Variants in NOSTRIN observed in about 807,000 individuals in gnomAD.
The protein encoded by NOSTRIN is BM247 homolog.
Under a neutral mutation model 59.0 loss-of-function variants are expected in NOSTRIN, and 63 were observed. The ratio of observed to expected loss-of-function variants is 1.07; its 90% CI spans 0.87 to 1.32. NOSTRIN has a LOEUF of 1.32. Among genes scored for constraint, NOSTRIN ranks in the 40% most tolerant of loss-of-function variants. The probability of loss-of-function intolerance (pLI) is 0.00; values close to 1 mark genes in which losing one functional copy is unlikely to be tolerated. For synonymous variants in NOSTRIN, 200 were observed against 165.4 expected (o/e 1.21, Z -1.61); for missense variants, 512 against 473.1 (o/e 1.08, Z -0.76).
At chr2:168,861,496 AAAG>A (rs1296435637) in intron 14 of NOSTRIN, among the ~76,000 whole-genome samples, 4 of 152,184 alleles carry the variant, frequency 2.6e-5, no homozygotes, top group South Asian at 2.1e-4. Flanking sequence ...AAAAAAAAAA[AAAG>A]AACTTCAGTA....
In NOSTRIN at chr2:168,855,431, A is replaced by T; in HGVS notation, c.935A>T (p.Asp312Val). Reference protein sequence around the residue: ...LKPKLLRLQRDIEKASKDKEG... With the variant: ...LKPKLLRLQRVIEKASKDKEG... The stretch of plus-strand genomic sequence containing the variant: ...CCAAAATTATTGAGACTGCAGAGAG[A>T]CATTGAAAAAGCCTCAAAAGACAAG... The change falls in exon 11 of 16, where the codon GAC becomes GTC. Residue 312 changes from aspartate (D) to valine (V), a missense_variant. By Grantham distance (152) the Asp-to-Val change is radical. Transcript: ENST00000317647. 1 of 1,610,094 alleles carries T rather than the reference A, an allele frequency of 6.2e-7. No homozygotes were observed. The highest frequency in any genetic ancestry group is 2.2e-5 in the East Asian group (1 of 44,734).
chr2:168,836,432 C>T (rs1385505332), intron 7 of NOSTRIN, among the ~76,000 whole-genome samples: 2 of 152,240 alleles, frequency 1.3e-5, no homozygotes, highest in East Asian at 1.9e-4. Context: ...CTCTGTCATA[C>T]ACCCATGCCA....
intron 7 of NOSTRIN, among the ~76,000 whole-genome samples, 182 bp downstream of exon 7, chr2:168,834,507 GCACACACACA>G (rs1553527194): frequency 4.0e-5 from 5 of 125,342 alleles, no homozygotes; most frequent in Admixed American, 2.3e-4. Context: ...GCGCGCGCGC[GCACACACACA>G]CACACACACA....
intron 14 of NOSTRIN, among the ~76,000 whole-genome samples, chr2:168,861,674 T>TGCAATTACTATTATTATA (rs1423753085): frequency 6.6e-6 from 1 of 152,194 alleles, no homozygotes; most frequent in Non-Finnish European, 1.5e-5. Flanking sequence ...AAAACATGCA[T>TGCAATTACTATTATTATA]GCAATTACTA....
intron 2 of NOSTRIN, among the ~76,000 whole-genome samples, chr2:168,814,407 G>A (rs1476187225): frequency 6.6e-6 from 1 of 152,216 alleles, no homozygotes; most frequent in Non-Finnish European, 1.5e-5. Flanking sequence ...ATAGAAGGCA[G>A]ATTCCCACCA....
intron 1 of NOSTRIN, 48 bp from the exon 2 acceptor site, chr2:168,811,519 C>T (rs772705309): frequency 5.8e-6 from 4 of 693,294 alleles, no homozygotes; most frequent in Non-Finnish European, 5.1e-6. Flanking sequence ...CGGAGTTGCT[C>T]GTAATCTTCC....
chr2:168,820,154 A>T (rs1686649443), intron 2 of NOSTRIN, among the ~76,000 whole-genome samples: 1 of 152,184 alleles, frequency 6.6e-6, no homozygotes, highest in African/African-American at 2.4e-5. Context: ...CAGAGGTAGG[A>T]AAGAGGTGTG....
In NOSTRIN at chr2:168,837,300, C is replaced by CTTTTTTTTTTTT. The variant is rs761309524; in HGVS notation, c.504+2991_504+3002dup. On this transcript the variant is annotated intron_variant, in intron 7 of 15. Transcript: ENST00000317647. ...TTTTTATAATACACTTTTTTAACAT[C>CTTTTTTTTTTTT]TTTTTTTTTTTTTTTTTTTTTTTTT... Among the ~76,000 whole-genome samples, 16 of 62,182 alleles carry CTTTTTTTTTTTT rather than the reference C, an allele frequency of 2.6e-4. 2 individuals are homozygous for CTTTTTTTTTTTT. The highest frequency in any genetic ancestry group is 3.2e-4 in the Non-Finnish European group (10 of 31,600). 40.8% of individuals were successfully genotyped at this position (62,182 alleles called of 152,430 possible). A position where few individuals can be genotyped will look rare whatever the true frequency, so the allele number is the denominator to read the frequency against.
chr2:168,795,964 T>C (rs1166881927), upstream of NOSTRIN, among the ~76,000 whole-genome samples: 1 of 152,250 alleles, frequency 6.6e-6, no homozygotes, highest in Non-Finnish European at 1.5e-5. Context: ...TAAAAAATTT[T>C]TTTTAAAATA....
intron 8 of NOSTRIN, 193 bp from the exon 9 acceptor site, chr2:168,850,891 G>A (rs1232614627): frequency 2.5e-6 from 2 of 797,340 alleles, no homozygotes. Context: ...TGGGGAAAGT[G>A]TGTGAGTGAT....
chr2:168,863,503 T>G, intron 15 of NOSTRIN: 1 of 985,386 alleles, frequency 1.0e-6, no homozygotes, highest in African/African-American at 1.7e-5. Context: ...ATCTTTCTAC[T>G]TTTATGACAA....
intron 2 of NOSTRIN, among the ~76,000 whole-genome samples, chr2:168,817,498 A>G (rs830029): frequency 0.63 from 95,442 of 152,014 alleles, 30,361 homozygotes; most frequent in African/African-American, 0.73. Context: ...GATACAGTGG[A>G]ATTCTGCATA....
chr2:168,807,737 G>T (rs991264104), intron 1 of NOSTRIN, among the ~76,000 whole-genome samples: 8 of 152,192 alleles, frequency 5.3e-5, no homozygotes, highest in Non-Finnish European at 1.2e-4. Context: ...GAGGTACGAG[G>T]CAAAGCCATG....
At chr2:168,863,471 C>CAGAT in intron 15 of NOSTRIN, 1 of 985,188 alleles carries the variant, frequency 1.0e-6, no homozygotes, top group Non-Finnish European at 1.2e-6. Context: ...CTGACGGGGG[C>CAGAT]AGATGATCCT....
Position 168,834,151 on chromosome 2 carries a change from G to A in NOSTRIN, c.406-76G>A, listed in dbSNP as rs1432438780. On this transcript the variant is annotated intron_variant, in intron 6 of 15. Coordinates refer to ENST00000317647, the MANE Select transcript of NOSTRIN (RefSeq NM_001039724.4). ...TAAAGCTAGCACATGAATGTGCTTT[G>A]TTCCAAAAGAGGAGAGTTTTCTCTT... The A allele has an allele frequency of 9.1e-6, 7 of 769,852 alleles. No homozygotes were observed. The East Asian group carries it at 1.8e-4, about 20-fold the overall frequency. The allele number at this position is 769,852 out of a possible 1,614,324, so 47.7% of individuals were successfully genotyped here. A position where few individuals can be genotyped will look rare whatever the true frequency, so the allele number is the denominator to read the frequency against.
chr2:168,865,047 T>TTACC lies in NOSTRIN; in HGVS notation c.*79_*82dup. 1 of 1,491,148 alleles carries TTACC rather than the reference T, an allele frequency of 6.7e-7. No homozygotes were observed. The highest frequency in any genetic ancestry group is 1.2e-5 in the South Asian group (1 of 82,992). 92.4% of individuals were successfully genotyped at this position (1,491,148 alleles called of 1,614,324 possible). A position where few individuals can be genotyped will look rare whatever the true frequency, so the allele number is the denominator to read the frequency against. On this transcript the variant is annotated 3_prime_UTR_variant, in exon 16 of 16. Transcript: ENST00000317647. Reference sequence around the variant, plus strand: ...TGGTTCAAATAAGAATAAAGTGCTCTTACCTTTACATGTTTTTCTTTTGAA... The same window carrying TTACC: ...TGGTTCAAATAAGAATAAAGTGCTCTTACCTACCTTTACATGTTTTTCTTTTGAA...
chr2:168,852,927 T>C (rs1340048767), intron 10 of NOSTRIN, among the ~76,000 whole-genome samples: 1 of 152,204 alleles, frequency 6.6e-6, no homozygotes, highest in African/African-American at 2.4e-5. Flanking sequence ...TTTCAAATAA[T>C]GTAGGCAGGG....
At chr2:168,797,360 G>A (rs187888431), upstream of NOSTRIN, among the ~76,000 whole-genome samples, 610 of 152,138 alleles carry the variant, frequency 4.0e-3, 3 homozygotes, top group Non-Finnish European at 6.6e-3. Context: ...GCCTCCCAAA[G>A]TATTGAGATA....
At chr2:168,846,704 C>G (rs1206339554) in intron 8 of NOSTRIN, among the ~76,000 whole-genome samples, 1 of 152,162 alleles carries the variant, frequency 6.6e-6, no homozygotes, top group South Asian at 2.1e-4. Context: ...AGTACTTACT[C>G]AAGGAATTAT....
Sources: allele counts gnomAD v4.1 joint callset (sites outside exome capture counted in the v4.1 genomes callset), GRCh38; gene constraint gnomAD v4.1.1; transcripts MANE v1.5; gene names NCBI Gene and HGNC (gene_info 2026-07-23, HGNC 2026-07-21).